Variants in TRIM9 observed in about 807,000 individuals in gnomAD.
The protein encoded by TRIM9 is tripartite motif containing 9, also known as E3 ubiquitin-protein ligase TRIM9.
Under a neutral mutation model 78.3 loss-of-function variants are expected in TRIM9, and 26 were observed. That is an observed-to-expected ratio of 0.33 (90% CI 0.24 to 0.46). The LOEUF (loss-of-function observed/expected upper bound fraction) is 0.46. Ranked by LOEUF, TRIM9 falls within the 20% of genes least tolerant of loss-of-function variation. The pLI is 1.00. For synonymous variants in TRIM9, 398 were observed against 416.5 expected (o/e 0.96, Z 0.54); for missense variants, 787 against 1,036.4 (o/e 0.76, Z 3.30).
chr14:51,017,665 G>A (rs1207094658), intron 3 of TRIM9, among the ~76,000 whole-genome samples: 1 of 152,168 alleles, frequency 6.6e-6, no homozygotes, highest in Non-Finnish European at 1.5e-5. Context: ...AGTGTAGCAA[G>A]GTATAGTGGA....
intron 1 of TRIM9, among the ~76,000 whole-genome samples, chr14:51,035,651 C>T (rs540450204): frequency 2.6e-5 from 4 of 152,162 alleles, no homozygotes; most frequent in African/African-American, 7.2e-5. Flanking sequence ...CCAGTGTGGA[C>T]GTGAAGGCAG....
chr14:51,022,223 G>T (rs996529993), intron 3 of TRIM9, among the ~76,000 whole-genome samples: 1 of 152,224 alleles, frequency 6.6e-6, no homozygotes, highest in Non-Finnish European at 1.5e-5. Flanking sequence ...ATTAGGACAT[G>T]AGGCCCCTGC....
intron 1 of TRIM9, among the ~76,000 whole-genome samples, chr14:51,072,013 C>T (rs2062320212): frequency 6.6e-6 from 1 of 152,064 alleles, no homozygotes; most frequent in South Asian, 2.1e-4. Context: ...AAGTAGAAGG[C>T]AGGGAAAGGA....
chr14:51,000,732 G>T lies in TRIM9; in HGVS notation c.1415C>A (p.Ala472Asp). The T allele has an allele frequency of 6.2e-7, 1 of 1,614,180 alleles. No individual in the cohort carries two copies. The highest frequency in any genetic ancestry group is 8.5e-7 in the Non-Finnish European group (1 of 1,180,016). The change falls in exon 6 of 13, where the codon GCC becomes GAC. Residue 472 changes from alanine to aspartate, a missense_variant. This residue lies in a region of TRIM9 where 421 missense variants were observed against 514.3 expected (regional missense o/e 0.82). Coordinates refer to ENST00000684578, the MANE Select transcript of TRIM9 (RefSeq NM_001387360.1). Reference sequence around the variant, plus strand: ...ATCCAGCTCCAGAATGTATCCATCGGCGGGCACCGTGGACAGAGGTGGCTG... The same window carrying T: ...ATCCAGCTCCAGAATGTATCCATCGTCGGGCACCGTGGACAGAGGTGGCTG... ...WKQPPLSTVP[A>D]DGYILELDDG... is the part of the protein sequence containing the mutation.
In TRIM9 at chr14:50,999,320, A is replaced by G. The variant is rs1190615843; in HGVS notation, c.1465-1132T>C. On this transcript the variant is annotated intron_variant, in intron 6 of 12. Transcript: ENST00000684578. ...AAAATGACACAGGCACTGAAAAGGC[A>G]AAGTCAGGAATGAGAAACTGACAAA... 2.6e-5 allele frequency among the ~76,000 whole-genome samples: 4 copies of G among 152,304 alleles called. No individual in the cohort carries two copies. In the South Asian group the frequency reaches 8.3e-4, roughly 32 times the overall value.
At chr14:50,997,362 T>C in intron 7 of TRIM9, 1 of 985,274 alleles carries the variant, frequency 1.0e-6, no homozygotes, top group Non-Finnish European at 1.2e-6. Context: ...GTATGGTGGC[T>C]CTCGGTAGCC....
intron 3 of TRIM9, among the ~76,000 whole-genome samples, 192 bp from the exon 4 acceptor site, chr14:51,010,686 A>G (rs1439033523): frequency 6.6e-6 from 1 of 152,154 alleles, no homozygotes; most frequent in Non-Finnish European, 1.5e-5. Context: ...TAAGATTATC[A>G]AAGGAAATTG....
chr14:51,073,261 A>G (rs867948502), intron 1 of TRIM9, among the ~76,000 whole-genome samples: 49 of 152,306 alleles, frequency 3.2e-4, no homozygotes, highest in African/African-American at 1.1e-3. Context: ...CTAACAGAGC[A>G]TTTGTGTACC....
chr14:51,032,914 G>C (rs1299267894), intron 1 of TRIM9, among the ~76,000 whole-genome samples: 4 of 152,130 alleles, frequency 2.6e-5, no homozygotes, highest in Admixed American at 2.6e-4. Context: ...CGTCTTGTCA[G>C]CACTCAGAAA....
chr14:51,033,624 C>T (rs1308380744), intron 1 of TRIM9, among the ~76,000 whole-genome samples: 8 of 152,160 alleles, frequency 5.3e-5, no homozygotes, highest in East Asian at 1.9e-4. Context: ...CTTGGCCATA[C>T]GGCTTGCTTT....
At chr14:51,000,127 G>T (rs183244116) in intron 6 of TRIM9, among the ~76,000 whole-genome samples, 129 of 152,322 alleles carry the variant, frequency 8.5e-4, no homozygotes, top group Non-Finnish European at 1.1e-3. Context: ...AGGAGACCAT[G>T]TCAATTAAGA....
At chr14:51,028,026 A>C (rs1596213726) in intron 1 of TRIM9, among the ~76,000 whole-genome samples, 1 of 152,200 alleles carries the variant, frequency 6.6e-6, no homozygotes, top group Non-Finnish European at 1.5e-5. Context: ...TCTGTATAAG[A>C]CAGACTTGAT....
Position 50,983,369 on chromosome 14 carries a change from G to C in TRIM9, c.1834+11C>G, listed in dbSNP as rs751255777. 3.3e-6 allele frequency: 5 copies of C among 1,532,006 alleles called. No individual in the cohort carries two copies. The highest frequency in any genetic ancestry group is 2.0e-5 in the Admixed American group (1 of 49,738). 94.9% of individuals were successfully genotyped at this position (1,532,006 alleles called of 1,614,324 possible). On this transcript the variant is annotated intron_variant, in intron 9 of 12. Coordinates refer to ENST00000684578, the MANE Select transcript of TRIM9 (RefSeq NM_001387360.1). ...ACGTAAGTAAAAGATAATTACAATA[G>C]GTATACTTGCCTAATTGAGAGTAAG...
chr14:51,026,819 T>C (rs533262659), intron 1 of TRIM9, among the ~76,000 whole-genome samples: 2 of 152,302 alleles, frequency 1.3e-5, no homozygotes, highest in African/African-American at 4.8e-5. Context: ...AAGTTACCTT[T>C]GTCTGAATTA....
chr14:51,030,051 CA>C (rs550213394), intron 1 of TRIM9, among the ~76,000 whole-genome samples: 196 of 152,332 alleles, frequency 1.3e-3, no homozygotes, highest in South Asian at 3.3e-3. Context: ...ATGAAACATT[CA>C]ACTTTTTTCC....
At chr14:51,016,285 G>A (rs1377911950) in intron 3 of TRIM9, among the ~76,000 whole-genome samples, 1 of 152,158 alleles carries the variant, frequency 6.6e-6, no homozygotes, top group East Asian at 1.9e-4. Flanking sequence ...AAACCGGGCT[G>A]CACAGCAGGA....
chr14:51,025,941 T>A (rs886860365), intron 1 of TRIM9, among the ~76,000 whole-genome samples: 1 of 152,118 alleles, frequency 6.6e-6, no homozygotes, highest in African/African-American at 2.4e-5. Context: ...ATTTGTGTCC[T>A]CTCCTCACTA....
At chr14:51,031,016 C>T (rs1272553181) in intron 1 of TRIM9, among the ~76,000 whole-genome samples, 7 of 151,630 alleles carry the variant, frequency 4.6e-5, no homozygotes, top group Non-Finnish European at 8.8e-5. Flanking sequence ...GGCATGGTGG[C>T]GGGCGCCTGT....
At position 51,093,160 on chromosome 14, in the gene TRIM9, T is replaced by C. The variant is rs926826661; in HGVS notation, c.822+958A>G. ...GACAGGCTGAGAAGCGTGGGAAAAA[T>C]TGGAGGGTTTTGAGCAGAGGAGTGG... On this transcript the variant is annotated intron_variant, in intron 1 of 12. Transcript: ENST00000684578. 9.9e-5 allele frequency among the ~76,000 whole-genome samples: 15 copies of C among 151,588 alleles called. 1 individual carries two copies. Among genetic ancestry groups the C allele is most frequent in the Non-Finnish European group, 2.1e-4 (14 of 67,858 alleles).
Sources: gnomAD v4.1 joint callset for allele counts (sites outside exome capture counted in the v4.1 genomes callset) on GRCh38, gnomAD v4.1.1 for gene constraint, gnomAD v4.1.1 regional missense constraint, MANE v1.5 for transcripts, NCBI Gene and HGNC (gene_info 2026-07-23, HGNC 2026-07-21) for gene names.